Variants in LTBP1 observed in about 807,000 individuals in gnomAD.
The protein encoded by LTBP1 is latent transforming growth factor beta binding protein 1.
In LTBP1, 129 loss-of-function variants were observed where a neutral mutation model predicts 207.6. The ratio of observed to expected loss-of-function variants is 0.62; its 90% confidence interval spans 0.54 to 0.72. LTBP1 has a LOEUF of 0.72. Ranked by LOEUF, LTBP1 falls within the 30% of genes least tolerant of loss-of-function variation. The pLI is 0.00. For synonymous variants in LTBP1, 963 were observed against 833.7 expected (o/e 1.16, Z -2.67); for missense variants, 2,281 against 2,217.2 (o/e 1.03, Z -0.58).
chr2:33,342,854 A>T lies in LTBP1; in HGVS notation c.3747A>T (p.Val1249=), dbSNP rs139985433. 4 of 1,613,926 alleles carry T rather than the reference A, an allele frequency of 2.5e-6. No homozygotes were observed. In the African/African-American group the frequency reaches 5.3e-5, roughly 22 times the overall value. The stretch of plus-strand genomic sequence containing the variant: ...TTTTTGCAGATATTGATGAATGTGT[A>T]AACAACACTGTTTGTGACAGTCACG... ...GRTCEDIDEC[V]NNTVCDSHGF... The change falls in exon 25 of 34, where the codon GTA becomes GTT. Residue 1249 remains valine, a synonymous_variant. Transcript: ENST00000404816.
intron 5 of LTBP1, among the ~76,000 whole-genome samples, chr2:33,146,187 C>T (rs2083021716): frequency 6.6e-6 from 1 of 152,208 alleles, no homozygotes; most frequent in African/African-American, 2.4e-5. Flanking sequence ...GAAATTTGAT[C>T]TGCTGCAGTG....
At chr2:33,234,693 G>A (rs1472425103) in intron 9 of LTBP1, among the ~76,000 whole-genome samples, 1 of 152,058 alleles carries the variant, frequency 6.6e-6, no homozygotes, top group Non-Finnish European at 1.5e-5. Flanking sequence ...AGCTACCATT[G>A]ACTTTCTTCA....
chr2:33,194,282 G>A (rs1042543716), intron 7 of LTBP1, among the ~76,000 whole-genome samples: 1 of 151,882 alleles, frequency 6.6e-6, no homozygotes, highest in African/African-American at 2.4e-5. Flanking sequence ...ACCGAGCCCG[G>A]CCACATCTCT....
chr2:33,208,574 C>A (rs2149238242), intron 7 of LTBP1, among the ~76,000 whole-genome samples: 1 of 152,096 alleles, frequency 6.6e-6, no homozygotes, highest in East Asian at 1.9e-4. Context: ...CAGGCTGTGG[C>A]AGCATGGAAT....
intron 31 of LTBP1, among the ~76,000 whole-genome samples, chr2:33,377,941 C>G (rs915247444): frequency 1.3e-5 from 2 of 152,074 alleles, no homozygotes; most frequent in Non-Finnish European, 2.9e-5. Context: ...GGAAACTGCC[C>G]CATGATCCAG....
chr2:33,294,520 T>C (rs1310950599), intron 20 of LTBP1, among the ~76,000 whole-genome samples: 1 of 151,482 alleles, frequency 6.6e-6, no homozygotes, highest in Non-Finnish European at 1.5e-5. Flanking sequence ...AAATAAACTT[T>C]TGTCTGAACT....
chr2:33,360,368 G>A (rs2094913705), intron 26 of LTBP1, among the ~76,000 whole-genome samples: 1 of 152,278 alleles, frequency 6.6e-6, no homozygotes, highest in Non-Finnish European at 1.5e-5. Flanking sequence ...AAAAGGAAAT[G>A]GTTTTGACAG....
chr2:32,953,961 G>A (rs1177668991), intron 2 of LTBP1, among the ~76,000 whole-genome samples: 3 of 152,194 alleles, frequency 2.0e-5, no homozygotes, highest in Non-Finnish European at 4.4e-5. Context: ...GTCCAGCAGA[G>A]AGGAGCTGCC....
At chr2:32,996,037 A>G (rs1344673705) in intron 2 of LTBP1, among the ~76,000 whole-genome samples, 1 of 152,112 alleles carries the variant, frequency 6.6e-6, no homozygotes, top group African/African-American at 2.4e-5. Flanking sequence ...TGTTTCCTAT[A>G]TACGTATCGA....
intron 26 of LTBP1, among the ~76,000 whole-genome samples, chr2:33,352,801 T>C (rs2094799906): frequency 6.6e-6 from 1 of 152,128 alleles, no homozygotes; most frequent in African/African-American, 2.4e-5. Flanking sequence ...ATACCCTTTA[T>C]CTTCTGTAAT....
chr2:33,187,418 T>TA (rs1190089607), intron 6 of LTBP1, among the ~76,000 whole-genome samples: 1 of 152,198 alleles, frequency 6.6e-6, no homozygotes, highest in Non-Finnish European at 1.5e-5. Context: ...TTCTGGCCCT[T>TA]ACAGCATTAA....
chr2:33,096,166 T>C (rs2079378336), intron 3 of LTBP1, among the ~76,000 whole-genome samples: 2 of 152,126 alleles, frequency 1.3e-5, no homozygotes, highest in Admixed American at 1.3e-4. Context: ...ATTGGAACAA[T>C]AGTACAAATG....
chr2:33,031,068 T>C (rs1440089095), intron 3 of LTBP1, among the ~76,000 whole-genome samples: 1 of 152,118 alleles, frequency 6.6e-6, no homozygotes, highest in East Asian at 1.9e-4. Context: ...GAAGGTACTT[T>C]TATGCAAAAA....
chr2:33,078,862 C>CTTTTTTTTTTTTTTTTTTTTTTTT (rs34843933), intron 3 of LTBP1, among the ~76,000 whole-genome samples: 2 of 106,888 alleles, frequency 1.9e-5, no homozygotes, highest in African/African-American at 3.2e-5. Flanking sequence ...CTTTTCTTTT[C>CTTTTTTTTTTTTTTTTTTTTTTTT]TTTTTTTTTT....
At chr2:33,204,508 C>T (rs1479499236) in intron 7 of LTBP1, among the ~76,000 whole-genome samples, 2 of 152,216 alleles carry the variant, frequency 1.3e-5, no homozygotes, top group South Asian at 2.1e-4. Context: ...TTAGAATCTG[C>T]AAGCTCTAAC....
intron 26 of LTBP1, among the ~76,000 whole-genome samples, chr2:33,351,870 C>A (rs1299803517): frequency 6.6e-6 from 1 of 152,162 alleles, no homozygotes; most frequent in African/African-American, 2.4e-5. Context: ...TAATAACATC[C>A]CAGGCAGTTA....
intron 23 of LTBP1, among the ~76,000 whole-genome samples, 166 bp downstream of exon 23, chr2:33,309,722 G>A (rs1013754996): frequency 1.3e-5 from 2 of 152,190 alleles, no homozygotes; most frequent in African/African-American, 4.8e-5. Flanking sequence ...GTGCAGGAAG[G>A]TGTTGCTTTG....
chr2:32,949,037 G>C, intron 2 of LTBP1, 92 bp downstream of exon 2: 1 of 1,245,644 alleles, frequency 8.0e-7, no homozygotes, highest in Non-Finnish European at 1.2e-6. Flanking sequence ...ACTTGAAAGG[G>C]CTCGGGGGAA....
chr2:33,122,899 T>A (rs2081224766), intron 4 of LTBP1, among the ~76,000 whole-genome samples: 1 of 152,176 alleles, frequency 6.6e-6, no homozygotes, highest in Non-Finnish European at 1.5e-5. Flanking sequence ...CTTGAGATAA[T>A]GTGCACCCCC....
Sources: gnomAD v4.1 joint callset for allele counts (sites outside exome capture counted in the v4.1 genomes callset) on GRCh38, gnomAD v4.1.1 for gene constraint, MANE v1.5 for transcripts, NCBI Gene and HGNC (gene_info 2026-07-23, HGNC 2026-07-21) for gene names.